Variants in YIPF1 observed in about 807,000 individuals in gnomAD.
YIPF1 encodes the protein Yip1 domain family member 1.
In YIPF1, 22 loss-of-function variants were observed where a neutral mutation model predicts 37.0. The ratio of observed to expected loss-of-function variants is 0.59; its 90% CI spans 0.42 to 0.85. The LOEUF (loss-of-function observed/expected upper bound fraction) is 0.85, where lower values mean the gene tolerates loss of function less well. Among genes scored for constraint, YIPF1 ranks in the 40% least tolerant of loss-of-function variants. The pLI, the probability that YIPF1 is intolerant of heterozygous loss-of-function variation, is 0.00. For synonymous variants in YIPF1, 128 were observed against 131.9 expected (o/e 0.97, Z 0.21); for missense variants, 355 against 373.1 (o/e 0.95, Z 0.40).
rs368546864 is a variant in YIPF1, at chr1:53,866,274, C to A, written c.757G>T (p.Asp253Tyr). Reference protein sequence around the residue: ...AMTFWPAVREDNRRVALATIV... With the variant: ...AMTFWPAVREYNRRVALATIV... ...GTGGCCAATGCAACGCGTCGGTTAT[C>A]CTCACGAACAGCTGGCCAAAATGTC... is the stretch of plus-strand genomic sequence containing the variant. Residue 253 changes from aspartate to tyrosine, a missense_variant, in exon 9 of 11, where the codon GAT becomes TAT. Asp to Tyr is a radical substitution (Grantham distance 160). Coordinates refer to ENST00000072644, the MANE Select transcript of YIPF1 (RefSeq NM_018982.5). 3.7e-5 allele frequency: 59 copies of A among 1,614,148 alleles called. No individual in the cohort carries two copies. The highest frequency in any genetic ancestry group is 2.5e-4 in the Admixed American group (15 of 60,012).
intron 9 of YIPF1, among the ~76,000 whole-genome samples, chr1:53,860,944 T>C (rs1403474053): frequency 6.6e-6 from 1 of 152,214 alleles, no homozygotes; most frequent in Non-Finnish European, 1.5e-5. Flanking sequence ...GAAAGGTGAA[T>C]CTGTTACTAC....
chr1:53,864,240 G>A (rs1649961530), intron 9 of YIPF1, among the ~76,000 whole-genome samples: 1 of 152,226 alleles, frequency 6.6e-6, no homozygotes, highest in South Asian at 2.1e-4. Flanking sequence ...AGAGATGCCA[G>A]TGAGAGTTGG....
At chr1:53,869,769 C>T (rs952223555) in intron 7 of YIPF1, among the ~76,000 whole-genome samples, 4 of 151,980 alleles carry the variant, frequency 2.6e-5, no homozygotes, top group African/African-American at 7.3e-5. Context: ...TAAGAAAGGA[C>T]GTTTTAAAAC....
At chr1:53,864,705 A>C (rs1335190332) in intron 9 of YIPF1, among the ~76,000 whole-genome samples, 1 of 151,854 alleles carries the variant, frequency 6.6e-6, no homozygotes, top group Non-Finnish European at 1.5e-5. Context: ...ACATTCTTGG[A>C]CTCTGATTTT....
chr1:53,869,131 T>TTCTCTCTCTC (rs759374987), intron 7 of YIPF1, among the ~76,000 whole-genome samples: 1 of 139,548 alleles, frequency 7.2e-6, no homozygotes, highest in African/African-American at 2.7e-5. Flanking sequence ...CATGGATACA[T>TTCTCTCTCTC]TCTCTCTCTC....
Position 53,878,738 on chromosome 1 carries a change from T to C in YIPF1, c.196-16A>G. On this transcript the variant is annotated splice_polypyrimidine_tract_variant and intron_variant, in intron 4 of 10. Coordinates refer to ENST00000072644, the MANE Select transcript of YIPF1 (RefSeq NM_018982.5). ...CAGCAAGTAACTGTCAGAAATAAAA[T>C]AAAACATAATGAACACATAAGCAAT... is the stretch of plus-strand genomic sequence containing the variant. 6.3e-7 allele frequency: 1 copy of C among 1,589,478 alleles called. No homozygotes were observed. Among genetic ancestry groups the C allele is most frequent in the Non-Finnish European group, 8.5e-7 (1 of 1,174,170 alleles).
At chr1:53,877,240 C>A (rs1650358027) in intron 6 of YIPF1, among the ~76,000 whole-genome samples, 1 of 152,186 alleles carries the variant, frequency 6.6e-6, no homozygotes, top group Non-Finnish European at 1.5e-5. Flanking sequence ...ACCACCCTGA[C>A]AACCCTCAGA....
chr1:53,877,182 C>T (rs1650356805), intron 6 of YIPF1, among the ~76,000 whole-genome samples: 1 of 152,124 alleles, frequency 6.6e-6, no homozygotes, highest in East Asian at 1.9e-4. Flanking sequence ...CAGAGCCTGC[C>T]CCTCAGGATG....
intron 3 of YIPF1, 109 bp downstream of exon 3, chr1:53,888,798 G>A: frequency 2.7e-6 from 3 of 1,124,098 alleles, no homozygotes; most frequent in Non-Finnish European, 3.7e-6. Context: ...CCACCAAGAT[G>A]TTTGAAATAA....
intron 10 of YIPF1, among the ~76,000 whole-genome samples, 165 bp downstream of exon 10, chr1:53,859,891 A>T (rs1244528796): frequency 6.6e-6 from 1 of 152,194 alleles, no homozygotes; most frequent in Non-Finnish European, 1.5e-5. Flanking sequence ...GACTTCAATA[A>T]GAGGAACACA....
At chr1:53,854,054 A>G (rs1649660891) in intron 10 of YIPF1, among the ~76,000 whole-genome samples, 2 of 152,150 alleles carry the variant, frequency 1.3e-5, no homozygotes, top group African/African-American at 4.8e-5. Flanking sequence ...GTTAGAGGCC[A>G]GCCTGGCCAA....
At chr1:53,882,318 TTAAAA>T (rs1650522190) in intron 4 of YIPF1, among the ~76,000 whole-genome samples, 1 of 152,114 alleles carries the variant, frequency 6.6e-6, no homozygotes, top group South Asian at 2.1e-4. Flanking sequence ...ACCCCTGAAG[TTAAAA>T]TAAAAGTCGA....
intron 4 of YIPF1, among the ~76,000 whole-genome samples, chr1:53,880,636 GCAT>G (rs1308509275): frequency 1.3e-5 from 2 of 152,150 alleles, no homozygotes; most frequent in Non-Finnish European, 2.9e-5. Flanking sequence ...AAAGCTGGAG[GCAT>G]CATGCTACCT....
rs561073449 is a variant in YIPF1 at position 53,867,222 on chromosome 1, C to A, written c.482-298G>T. Among the ~76,000 whole-genome samples the A allele has an allele frequency of 2.0e-5, 3 of 152,268 alleles. No individual in the cohort carries two copies. The South Asian group carries it at 6.2e-4, about 32-fold the overall frequency. ...ATAACTAACAACTAATATTATTAAA[C>A]AACTGAACTATGCAACTGAAATACT... is the stretch of plus-strand genomic sequence containing the variant. On this transcript the variant is annotated intron_variant, in intron 7 of 10. Transcript: ENST00000072644.
At chr1:53,859,693 GA>G (rs1203182306) in intron 10 of YIPF1, among the ~76,000 whole-genome samples, 1 of 151,878 alleles carries the variant, frequency 6.6e-6, no homozygotes, top group East Asian at 1.9e-4. Context: ...GTAAGAAAAA[GA>G]AAAAAGAAAA....
At chr1:53,885,220 C>T (rs1310075089) in intron 3 of YIPF1, among the ~76,000 whole-genome samples, 3 of 152,160 alleles carry the variant, frequency 2.0e-5, no homozygotes, top group Admixed American at 2.0e-4. Context: ...ATTACAGGTA[C>T]CTCTTATTGA....
chr1:53,885,185 T>C (rs886702135), intron 3 of YIPF1, among the ~76,000 whole-genome samples: 3 of 152,222 alleles, frequency 2.0e-5, no homozygotes, highest in African/African-American at 7.2e-5. Flanking sequence ...AAAGAGATTT[T>C]GAGGATGATG....
intron 7 of YIPF1, among the ~76,000 whole-genome samples, chr1:53,867,607 G>A (rs1000588252): frequency 1.2e-4 from 18 of 151,876 alleles, no homozygotes; most frequent in South Asian, 1.0e-3. Flanking sequence ...CTCGTGATCC[G>A]CCCGCCTCCG....
rs1300294040 is a variant in YIPF1, at chr1:53,866,873, G to A, written c.533C>T (p.Ala178Val). Residue 178 changes from alanine (A) to valine (V), a missense_variant, in exon 8 of 11, where the codon GCA (alanine) becomes GTA (valine). Transcript: ENST00000072644. ...IYAYAWLVPL[A>V]LWGFLMWRNS... is the part of the protein sequence containing the mutation. Reference sequence around the variant, plus strand: ...TCTCCACATGAGGAAACCCCAGAGTGCAAGAGGAACCAGCCAGGCATAGGC... The same window carrying A: ...TCTCCACATGAGGAAACCCCAGAGTACAAGAGGAACCAGCCAGGCATAGGC... 1 of 1,614,184 alleles carries A rather than the reference G, an allele frequency of 6.2e-7. No homozygotes were observed. Among genetic ancestry groups the A allele is most frequent in the Non-Finnish European group, 8.5e-7 (1 of 1,180,030 alleles).
Sources: gnomAD v4.1 joint callset for allele counts (sites outside exome capture counted in the v4.1 genomes callset) on GRCh38, gnomAD v4.1.1 for gene constraint, MANE v1.5 for transcripts, NCBI Gene and HGNC (gene_info 2026-07-23, HGNC 2026-07-21) for gene names.